The following CSMD3 variants were observed in gnomAD, a reference collection of about 807,000 sequenced individuals.
The protein encoded by CSMD3 is CUB and sushi domain-containing protein 3.
In CSMD3, 177 loss-of-function variants were observed where a neutral mutation model predicts 435.2. The ratio of observed to expected loss-of-function variants is 0.41; its 90% CI spans 0.36 to 0.46. The LOEUF (loss-of-function observed/expected upper bound fraction) is 0.46. Ranked by LOEUF, CSMD3 falls within the 20% of genes least tolerant of loss-of-function variation. The pLI is 0.34. For missense variants in CSMD3, 4,265 were observed against 4,504.6 expected (o/e 0.95, Z 1.52); for synonymous variants, 1,656 against 1,520.5 (o/e 1.09, Z -2.07).
chr8:113,381,151 A>G (rs2094413550), intron 1 of CSMD3, among the ~76,000 whole-genome samples: 1 of 152,224 alleles, frequency 6.6e-6, no homozygotes, highest in African/African-American at 2.4e-5. Flanking sequence ...CAAAACTGGT[A>G]TGAATTTATC....
chr8:112,621,520 G>C (rs1311681582), intron 22 of CSMD3, among the ~76,000 whole-genome samples: 1 of 151,998 alleles, frequency 6.6e-6, no homozygotes, highest in Non-Finnish European at 1.5e-5. Context: ...TCTCCACTCT[G>C]ACACTGAAGC....
At position 112,255,404 on chromosome 8, in the gene CSMD3, T is replaced by A. The variant is rs1815684057; in HGVS notation, c.9886A>T (p.Ile3296Leu). 6.2e-7 allele frequency: 1 copy of A among 1,613,658 alleles called. No individual in the cohort carries two copies. Among genetic ancestry groups the A allele is most frequent in the Non-Finnish European group, 8.5e-7 (1 of 1,179,752 alleles). ...CLPKFCGDPG[I>L]PAQGKREGKS... The stretch of plus-strand genomic sequence containing the variant: ...CCTTCTCTTTTTCCTTGGGCAGGTA[T>A]ACCAGGGTCACCACAAAACTTTGCT... Residue 3296 changes from isoleucine (I) to leucine (L), a missense_variant, in exon 62 of 71, where the codon ATA (isoleucine) becomes TTA (leucine). Around this residue, in one of 3 missense-constraint regions of CSMD3, gnomAD observed 3,255 missense variants for 3,380.2 expected, o/e 0.96. Coordinates refer to ENST00000297405, the MANE Select transcript of CSMD3 (RefSeq NM_198123.2).
At chr8:112,982,063 C>T (rs1048832049) in intron 6 of CSMD3, among the ~76,000 whole-genome samples, 2 of 151,746 alleles carry the variant, frequency 1.3e-5, no homozygotes, top group East Asian at 1.9e-4. Context: ...CTCAAAAGAT[C>T]GTTTCTTGCT....
intron 38 of CSMD3, among the ~76,000 whole-genome samples, chr8:112,363,184 T>C (rs11780474): frequency 0.2 from 30,712 of 151,826 alleles, 3,656 homozygotes; most frequent in East Asian, 0.39. Flanking sequence ...ATGGGATGAG[T>C]AAATAGTGAC....
At chr8:112,853,981 T>C (rs903228423) in intron 11 of CSMD3, among the ~76,000 whole-genome samples, 1 of 152,194 alleles carries the variant, frequency 6.6e-6, no homozygotes, top group Non-Finnish European at 1.5e-5. Context: ...CCTTTGAAAT[T>C]TGAGCACCAG....
intron 32 of CSMD3, among the ~76,000 whole-genome samples, chr8:112,464,360 G>C (rs1456477353): frequency 6.6e-6 from 1 of 151,982 alleles, no homozygotes; most frequent in African/African-American, 2.4e-5. Context: ...AACAACTGAT[G>C]AGTTGATGAA....
At chr8:113,357,773 T>C (rs962186824) in intron 1 of CSMD3, among the ~76,000 whole-genome samples, 1 of 152,190 alleles carries the variant, frequency 6.6e-6, no homozygotes, top group African/African-American at 2.4e-5. Context: ...AAGTGAGTTC[T>C]CACAAGATCT....
intron 7 of CSMD3, 138 bp from the exon 8 acceptor site, chr8:112,954,899 A>AT (rs915362240): frequency 3.7e-5 from 23 of 625,564 alleles, no homozygotes; most frequent in Middle Eastern, 4.3e-4. Context: ...ACCCAGAAGA[A>AT]TTTTTTTTAA....
chr8:113,005,872 T>G (rs997908034), intron 6 of CSMD3, among the ~76,000 whole-genome samples: 1 of 152,066 alleles, frequency 6.6e-6, no homozygotes, highest in Admixed American at 6.6e-5. Context: ...TATTATCTAT[T>G]CCTTGTTGGT....
intron 51 of CSMD3, among the ~76,000 whole-genome samples, chr8:112,305,380 A>G (rs1357972249): frequency 6.6e-6 from 1 of 152,126 alleles, no homozygotes; most frequent in Admixed American, 6.6e-5. Context: ...AAATGAAATC[A>G]CAACTAAGTG....
rs114161194 is a variant in CSMD3 at position 112,283,064 on chromosome 8, A to C, written c.9332-1714T>G. ...AAAAATGTTCTGAGTTAGTATTAAC[A>C]TCACCACCATTTCTTAATAGGAAAG... On this transcript the variant is annotated intron_variant, in intron 58 of 70. Coordinates refer to ENST00000297405, the MANE Select transcript of CSMD3 (RefSeq NM_198123.2). 3.3e-3 allele frequency among the ~76,000 whole-genome samples: 503 copies of C among 152,214 alleles called. 4 individuals carry two copies. The highest frequency in any genetic ancestry group is 0.012 in the African/African-American group (489 of 41,586).
chr8:112,897,410 TTACTC>T (rs1301879492), intron 10 of CSMD3, among the ~76,000 whole-genome samples: 1 of 151,312 alleles, frequency 6.6e-6, no homozygotes, highest in Non-Finnish European at 1.5e-5. Flanking sequence ...GAGGAAATCA[TTACTC>T]TAAGAGTGAA....
rs1403867663 is a variant in CSMD3, at chr8:112,255,306, G to T, written c.9984C>A (p.Thr3328=). 2 of 1,613,392 alleles carry T rather than the reference G, an allele frequency of 1.2e-6. No homozygotes were observed. The highest frequency in any genetic ancestry group is 4.5e-5 in the East Asian group (2 of 44,826). Residue 3328 remains threonine (T), a synonymous_variant, in exon 62 of 71, where the codon ACC becomes ACA. Coordinates refer to ENST00000297405, the MANE Select transcript of CSMD3 (RefSeq NM_198123.2). The part of the protein sequence containing the change: ...NFPFILVGSS[T]RICQADGTWS... ...AAGTGCCATCTGCTTGACATATTCT[G>T]GTGCTTGATCCCACTAATATGAAAG...
intron 4 of CSMD3, among the ~76,000 whole-genome samples, chr8:113,157,345 A>T (rs1309683906): frequency 2.0e-5 from 3 of 152,102 alleles, no homozygotes; most frequent in African/African-American, 7.2e-5. Flanking sequence ...CTTGTCTCTG[A>T]CCCAAGAGTC....
At chr8:112,868,588 G>A (rs2081048679) in intron 10 of CSMD3, among the ~76,000 whole-genome samples, 1 of 152,086 alleles carries the variant, frequency 6.6e-6, no homozygotes, top group Admixed American at 6.6e-5. Context: ...ATGGGACCAA[G>A]ATTGTATATG....
At chr8:113,179,221 T>A (rs1269164496) in intron 3 of CSMD3, among the ~76,000 whole-genome samples, 1 of 147,176 alleles carries the variant, frequency 6.8e-6, no homozygotes, top group Non-Finnish European at 1.5e-5. Flanking sequence ...AAACAGTATA[T>A]GTTAGTCATG....
At chr8:113,017,949 C>A (rs920003021) in intron 6 of CSMD3, among the ~76,000 whole-genome samples, 1 of 151,948 alleles carries the variant, frequency 6.6e-6, no homozygotes, top group African/African-American at 2.4e-5. Context: ...TATTATGATA[C>A]ATGTTAACAC....
At chr8:112,765,928 G>C (rs1563939230) in intron 13 of CSMD3, among the ~76,000 whole-genome samples, 1 of 151,774 alleles carries the variant, frequency 6.6e-6, no homozygotes, top group East Asian at 1.9e-4. Flanking sequence ...TCCATTGCCT[G>C]TAAGACCTGA....
intron 22 of CSMD3, among the ~76,000 whole-genome samples, chr8:112,620,480 C>G (rs1251715504): frequency 6.6e-6 from 1 of 152,054 alleles, no homozygotes; most frequent in Non-Finnish European, 1.5e-5. Flanking sequence ...TAAAACAGAA[C>G]CAGTAGGCCA....
Sources: gnomAD v4.1 joint callset for allele counts (sites outside exome capture counted in the v4.1 genomes callset) on GRCh38, gnomAD v4.1.1 for gene constraint, gnomAD v4.1.1 regional missense constraint, MANE v1.5 for transcripts, NCBI Gene and HGNC (gene_info 2026-07-23, HGNC 2026-07-21) for gene names.